NEBL: variants seen among roughly 807,000 people sequenced by gnomAD.
The protein encoded by NEBL is nebulette, also known as LIM and SH3 protein 2.
In NEBL, 122 loss-of-function variants were observed where a neutral mutation model predicts 140.2. The observed-to-expected ratio is 0.87, with a 90% CI of 0.75 to 1.01. NEBL has a LOEUF of 1.01. Ranked by LOEUF, NEBL falls within the 50% of genes least tolerant of loss-of-function variation. The pLI, the probability that NEBL is intolerant of heterozygous loss-of-function variation, is 0.00. For missense variants in NEBL, 1,365 were observed against 1,231.3 expected (o/e 1.11, Z -1.62); for synonymous variants, 436 against 398.9 (o/e 1.09, Z -1.11).
chr10:20,984,063 G>A (rs1837156547), intron 3 of NEBL, among the ~76,000 whole-genome samples: 1 of 151,174 alleles, frequency 6.6e-6, no homozygotes, highest in Non-Finnish European at 1.5e-5. Flanking sequence ...GGGAGGGAAA[G>A]GTACTTTTTA....
intron 3 of NEBL, among the ~76,000 whole-genome samples, chr10:20,978,681 G>C (rs1248290484): frequency 6.6e-6 from 1 of 151,918 alleles, no homozygotes; most frequent in Non-Finnish European, 1.5e-5. Context: ...CCCGTACCCA[G>C]GAGTTTGAGG....
intron 3 of NEBL, among the ~76,000 whole-genome samples, chr10:20,980,044 A>G (rs2131661078): frequency 7.0e-6 from 1 of 143,568 alleles, no homozygotes; most frequent in South Asian, 2.1e-4. Flanking sequence ...AAAGTGTCTC[A>G]TTTCCACAAA....
intron 4 of NEBL, among the ~76,000 whole-genome samples, chr10:20,927,447 A>G (rs576699682): frequency 6.6e-6 from 1 of 152,354 alleles, no homozygotes; most frequent in South Asian, 2.1e-4. Flanking sequence ...CACTGATAGT[A>G]AATAAGACAC....
intron 4 of NEBL, among the ~76,000 whole-genome samples, chr10:20,924,157 CT>C (rs1833747493): frequency 1.3e-5 from 2 of 152,028 alleles, no homozygotes; most frequent in African/African-American, 4.8e-5. Flanking sequence ...TCAGCAATAT[CT>C]AAAGACTTTT....
chr10:21,221,104 T>C (rs547699815), intron 3 of NEBL, among the ~76,000 whole-genome samples: 1 of 152,220 alleles, frequency 6.6e-6, no homozygotes, highest in African/African-American at 2.4e-5. Context: ...CAGAGAGCTA[T>C]AACCACACCA....
Position 20,936,390 on chromosome 10 carries a change from G to T in NEBL, c.357+25282C>A, listed in dbSNP as rs148637703. Among the ~76,000 whole-genome samples, 16 of 152,314 alleles carry T rather than the reference G, an allele frequency of 1.1e-4. No individual in the cohort carries two copies. In the East Asian group the frequency reaches 2.9e-3, roughly 28 times the overall value. On this transcript the variant is annotated intron_variant, in intron 4 of 6. Transcript: ENST00000417816. ...TCTGTCTCTCAAATCAGCTGTTTAT[G>T]CCTAACAGGCTATTGCAAATGGAAC...
chr10:20,868,430 G>T, intron 7 of NEBL: 1 of 490,632 alleles, frequency 2.0e-6, no homozygotes, highest in Non-Finnish European at 3.7e-6. Flanking sequence ...ATTGAAAAAT[G>T]TTCAGATTTA....
chr10:20,841,760 G>C (rs1564372875), intron 12 of NEBL, among the ~76,000 whole-genome samples: 1 of 152,100 alleles, frequency 6.6e-6, no homozygotes, highest in Non-Finnish European at 1.5e-5. Context: ...TGTCCAGTTG[G>C]AATTCACATG....
At chr10:21,012,858 G>T (rs888877184) in intron 3 of NEBL, among the ~76,000 whole-genome samples, 2 of 152,148 alleles carry the variant, frequency 1.3e-5, no homozygotes, top group African/African-American at 4.8e-5. Flanking sequence ...AAGGGAAGTA[G>T]GGTGGGCCAG....
At chr10:21,229,238 T>C (rs1842211716) in intron 3 of NEBL, among the ~76,000 whole-genome samples, 1 of 152,108 alleles carries the variant, frequency 6.6e-6, no homozygotes, top group South Asian at 2.1e-4. Context: ...CTAGGCAACA[T>C]GGCAAAGGCC....
chr10:20,963,953 A>C (rs1836176878), intron 3 of NEBL, among the ~76,000 whole-genome samples: 1 of 152,178 alleles, frequency 6.6e-6, no homozygotes. Flanking sequence ...CACATAGGGA[A>C]ACTCCGAGCC....
At chr10:20,831,113 G>C in intron 16 of NEBL, 83 bp downstream of exon 16, 1 of 1,006,170 alleles carries the variant, frequency 9.9e-7, no homozygotes, top group Non-Finnish European at 1.6e-6. Context: ...CCCTCAGAAA[G>C]ATATCATTCA....
chr10:21,154,671 T>C (rs762877850), intron 2 of NEBL, among the ~76,000 whole-genome samples: 4 of 152,198 alleles, frequency 2.6e-5, no homozygotes, highest in Non-Finnish European at 4.4e-5. Flanking sequence ...CTTTCCTCAA[T>C]TATCAACATT....
At chr10:21,096,194 G>A (rs1396696118) in intron 2 of NEBL, among the ~76,000 whole-genome samples, 1 of 152,112 alleles carries the variant, frequency 6.6e-6, no homozygotes, top group Non-Finnish European at 1.5e-5. Context: ...ACACTACTGT[G>A]GACTTCAATA....
chr10:21,224,075 A>G (rs7094223), intron 3 of NEBL, among the ~76,000 whole-genome samples: 40,897 of 151,962 alleles, frequency 0.27, 10,533 homozygotes, highest in African/African-American at 0.68. Context: ...TTGCCAGTGC[A>G]TGTGGAATTT....
chr10:20,919,534 A>T (rs1833475116), intron 4 of NEBL, among the ~76,000 whole-genome samples: 1 of 152,252 alleles, frequency 6.6e-6, no homozygotes, highest in Non-Finnish European at 1.5e-5. Flanking sequence ...ATAGAATGAG[A>T]TAAACAGTCC....
intron 2 of NEBL, among the ~76,000 whole-genome samples, chr10:21,067,392 A>C (rs1157309675): frequency 6.6e-6 from 1 of 152,186 alleles, no homozygotes; most frequent in Non-Finnish European, 1.5e-5. Flanking sequence ...AAACAAGAGA[A>C]ACTTTTAAAA....
At chr10:21,020,044 A>C in intron 3 of NEBL, 1 of 1,313,666 alleles carries the variant, frequency 7.6e-7, no homozygotes, top group Non-Finnish European at 1.1e-6. Context: ...GTACGAAGAC[A>C]AGAATCTCAG....
intron 3 of NEBL, among the ~76,000 whole-genome samples, chr10:21,223,152 C>T (rs956692381): frequency 6.6e-6 from 1 of 152,160 alleles, no homozygotes; most frequent in African/African-American, 2.4e-5. Context: ...TCATTCTATC[C>T]AACTATATTT....
Sources: allele counts gnomAD v4.1 joint callset (sites outside exome capture counted in the v4.1 genomes callset), GRCh38; gene constraint gnomAD v4.1.1; transcripts MANE v1.5; gene names NCBI Gene and HGNC (gene_info 2026-07-23, HGNC 2026-07-21).